ULK4: variants seen among roughly 807,000 people sequenced by gnomAD.
ULK4 encodes unc-51 like kinase 4.
Under a neutral mutation model 160.6 loss-of-function variants are expected in ULK4, and 133 were observed. The observed-to-expected ratio is 0.83, with a 90% CI of 0.72 to 0.96. The LOEUF (loss-of-function observed/expected upper bound fraction) is 0.96. Ranked by LOEUF, ULK4 falls within the 40% of genes least tolerant of loss-of-function variation. ULK4 has a pLI of 0.00. For synonymous variants in ULK4, 534 were observed against 539.8 expected (o/e 0.99, Z 0.15); for missense variants, 1,580 against 1,499.5 (o/e 1.05, Z -0.89).
intron 2 of ULK4, among the ~76,000 whole-genome samples, chr3:41,944,739 G>A (rs890010226): frequency 1.3e-5 from 2 of 151,924 alleles, no homozygotes; most frequent in African/African-American, 2.4e-5. Flanking sequence ...CAGTAAGCCC[G>A]GCTCACTCCC....
At position 41,264,362 on chromosome 3, in the gene ULK4, C is replaced by T. The variant is rs1384661959; in HGVS notation, c.3679-14788G>A. Reference sequence around the variant, plus strand: ...GCTGACACAGTGCCTCCTCCCCTGCCTTCCAATGACCCTTCAATTGAGCAG... The same window carrying T: ...GCTGACACAGTGCCTCCTCCCCTGCTTTCCAATGACCCTTCAATTGAGCAG... On this transcript the variant is annotated intron_variant, in intron 35 of 36. Coordinates refer to ENST00000301831, the MANE Select transcript of ULK4 (RefSeq NM_017886.4). Among the ~76,000 whole-genome samples the T allele has an allele frequency of 2.0e-5, 3 of 152,248 alleles. No homozygotes were observed. In the East Asian group the frequency reaches 5.8e-4, roughly 29 times the overall value.
chr3:41,938,304 A>G, intron 2 of ULK4, 107 bp from the exon 3 acceptor site: 1 of 799,764 alleles, frequency 1.3e-6, no homozygotes, highest in Non-Finnish European at 1.9e-6. Flanking sequence ...AAATGGTGAC[A>G]TTTATTTGGT....
chr3:41,840,357 C>CT (rs1353965586), intron 17 of ULK4, among the ~76,000 whole-genome samples: 1 of 152,132 alleles, frequency 6.6e-6, no homozygotes, highest in Non-Finnish European at 1.5e-5. Context: ...CTCCTTCTCC[C>CT]TCTCCCTTGC....
rs542550349 is a variant in ULK4, at chr3:41,302,939, AAAT to A, written c.3679-53368_3679-53366del. Among the ~76,000 whole-genome samples, 13 of 152,318 alleles carry A rather than the reference AAAT, an allele frequency of 8.5e-5. No individual in the cohort carries two copies. In the South Asian group the frequency reaches 1.9e-3, roughly 22 times the overall value. ...CAATATGGGAGAATTTTATAATATTAAATAATAAGTGAAATCATTCTAAAATAT... is the reference window on the plus strand; with the variant it reads ...CAATATGGGAGAATTTTATAATATTAAATAAGTGAAATCATTCTAAAATAT... On this transcript the variant is annotated intron_variant, in intron 35 of 36. Transcript: ENST00000301831.
rs57224854 is a variant in ULK4 at position 41,412,553 on chromosome 3, AT to A, written c.3493-14290del. On this transcript the variant is annotated intron_variant, in intron 34 of 36. Coordinates refer to ENST00000301831, the MANE Select transcript of ULK4 (RefSeq NM_017886.4). ...TAAAGGTCAATGGCAATGCAGTTGA[AT>A]TTTTTTTTTTTTTTTTTTTTTTTTG... Among the ~76,000 whole-genome samples, 91 of 100,434 alleles carry A rather than the reference AT, an allele frequency of 9.1e-4. 1 individual carries two copies. The highest frequency in any genetic ancestry group is 2.8e-3 in the East Asian group (11 of 3,984). 65.9% of individuals were successfully genotyped at this position (100,434 alleles called of 152,430 possible). A position where few individuals can be genotyped will look rare whatever the true frequency, so the allele number is the denominator to read the frequency against.
intron 34 of ULK4, among the ~76,000 whole-genome samples, chr3:41,439,259 G>C (rs952448396): frequency 6.6e-6 from 1 of 152,124 alleles, no homozygotes; most frequent in Admixed American, 6.6e-5. Flanking sequence ...ATAGAAATTT[G>C]GGCCTTGCAT....
At chr3:41,857,237 T>A (rs929702591) in intron 17 of ULK4, among the ~76,000 whole-genome samples, 3 of 152,154 alleles carry the variant, frequency 2.0e-5, no homozygotes, top group African/African-American at 4.8e-5. Flanking sequence ...GCTTTCCCCA[T>A]CTCTGAGATG....
At chr3:41,674,884 C>T (rs373719437) in intron 29 of ULK4, among the ~76,000 whole-genome samples, 4 of 152,208 alleles carry the variant, frequency 2.6e-5, no homozygotes, top group African/African-American at 9.6e-5. Flanking sequence ...TGAGTAATTG[C>T]CCCCCAAAAG....
intron 32 of ULK4, among the ~76,000 whole-genome samples, chr3:41,506,767 A>AAAAAAAAAAAATATAT: frequency 5.3e-5 from 3 of 56,766 alleles, no homozygotes; most frequent in African/African-American, 8.2e-5. Context: ...TGTGATTTAA[A>AAAAAAAAAAAATATAT]ATATATATAT....
At position 41,789,651 on chromosome 3, in the gene ULK4, T is replaced by A. The variant is rs1156287659; in HGVS notation, c.2193+10A>T. ...TTAATGTAGAGTAACAGGTAAAATC[T>A]AAGTCAAACCTTTTCTTGGATTAGT... On this transcript the variant is annotated intron_variant, in intron 21 of 36. Transcript: ENST00000301831. 6.4e-7 allele frequency: 1 copy of A among 1,555,596 alleles called. No homozygotes were observed. Among genetic ancestry groups the A allele is most frequent in the African/African-American group, 1.4e-5 (1 of 72,012 alleles).
rs1248711564 is a variant in ULK4 at position 41,781,121 on chromosome 3, G to A, written c.2193+8540C>T. Among the ~76,000 whole-genome samples the A allele has an allele frequency of 3.3e-5, 5 of 152,038 alleles. No individual in the cohort carries two copies. The East Asian group carries it at 9.6e-4, about 29-fold the overall frequency. On this transcript the variant is annotated intron_variant, in intron 21 of 36. Coordinates refer to ENST00000301831, the MANE Select transcript of ULK4 (RefSeq NM_017886.4). ...CAGAGAGAGAAAGCAAGAGAGAGGA[G>A]AGACAGACAGAAGATGAGACATATT... is the stretch of plus-strand genomic sequence containing the variant.
chr3:41,905,619 CTAAA>C (rs1484778324), intron 12 of ULK4, among the ~76,000 whole-genome samples: 7 of 151,818 alleles, frequency 4.6e-5, no homozygotes, highest in Non-Finnish European at 8.8e-5. Flanking sequence ...ATTCTTACAA[CTAAA>C]TAATAAAGAG....
At position 41,398,176 on chromosome 3, in the gene ULK4, C is replaced by T. The variant is rs752720385; in HGVS notation, c.3581G>A (p.Ser1194Asn). 4 of 1,613,414 alleles carry T rather than the reference C, an allele frequency of 2.5e-6. No homozygotes were observed. Among genetic ancestry groups the T allele is most frequent in the African/African-American group, 1.3e-5 (1 of 74,868 alleles). ...VQLYGGENPD[S>N]LSPENVEIFA... Reference sequence around the variant, plus strand: ...AATTTCCACATTTTCAGGAGAGAGGCTGTCCGGGTTTTCCCCTCCATACAG... The same window carrying T: ...AATTTCCACATTTTCAGGAGAGAGGTTGTCCGGGTTTTCCCCTCCATACAG... Residue 1194 changes from serine (S) to asparagine (N), a missense_variant, in exon 35 of 37, where the codon AGC becomes AAC. By Grantham distance (46) the Ser-to-Asn change is conservative. Transcript: ENST00000301831.
At chr3:41,765,989 G>A (rs1292913491) in intron 21 of ULK4, among the ~76,000 whole-genome samples, 1 of 152,190 alleles carries the variant, frequency 6.6e-6, no homozygotes, top group African/African-American at 2.4e-5. Flanking sequence ...AATCCATTTA[G>A]GCCAGGCGTG....
intron 36 of ULK4, among the ~76,000 whole-genome samples, chr3:41,249,113 GC>G (rs896504545): frequency 6.6e-6 from 1 of 152,220 alleles, no homozygotes; most frequent in Non-Finnish European, 1.5e-5. Flanking sequence ...CTCTGGCTGG[GC>G]TGCTGATGGG....
intron 35 of ULK4, among the ~76,000 whole-genome samples, chr3:41,306,807 ACTT>A (rs1272834754): frequency 2.6e-5 from 4 of 151,754 alleles, no homozygotes; most frequent in Non-Finnish European, 2.9e-5. Flanking sequence ...TACTAAGAAA[ACTT>A]CTTCTGCCGT....
chr3:41,533,481 C>T lies in ULK4; in HGVS notation c.3226+32544G>A, dbSNP rs138041706. On this transcript the variant is annotated intron_variant, in intron 32 of 36. Coordinates refer to ENST00000301831, the MANE Select transcript of ULK4 (RefSeq NM_017886.4). Reference sequence around the variant, plus strand: ...ACTAAATTTTATAAATATGTTGACGCGTGAAGATTTGAGAGTAGTTTGGGA... The same window carrying T: ...ACTAAATTTTATAAATATGTTGACGTGTGAAGATTTGAGAGTAGTTTGGGA... Among the ~76,000 whole-genome samples, 419 of 152,170 alleles carry T rather than the reference C, an allele frequency of 2.8e-3. 1 individual carries two copies. The highest frequency in any genetic ancestry group is 0.01 in the Middle Eastern group (3 of 294).
chr3:41,391,047 G>T (rs917744059), intron 35 of ULK4, among the ~76,000 whole-genome samples: 7 of 152,050 alleles, frequency 4.6e-5, no homozygotes, highest in Non-Finnish European at 1.0e-4. Context: ...GTGAGAACAT[G>T]CAATGTTTAT....
At chr3:41,289,007 G>C (rs2079511376) in intron 35 of ULK4, among the ~76,000 whole-genome samples, 3 of 152,166 alleles carry the variant, frequency 2.0e-5, no homozygotes, top group African/African-American at 7.2e-5. Context: ...GCACACAGTG[G>C]GTGTGGAAGA....
Sources: allele counts gnomAD v4.1 joint callset (sites outside exome capture counted in the v4.1 genomes callset), GRCh38; gene constraint gnomAD v4.1.1; transcripts MANE v1.5; gene names NCBI Gene and HGNC (gene_info 2026-07-23, HGNC 2026-07-21).